NAALADL2: variants seen among roughly 807,000 people sequenced by gnomAD.
NAALADL2 encodes the protein inactive N-acetylated-alpha-linked acidic dipeptidase-like protein 2.
In NAALADL2, 76 loss-of-function variants were observed where a neutral mutation model predicts 87.2. The observed-to-expected ratio is 0.87, with a 90% CI of 0.72 to 1.05. NAALADL2 has a LOEUF of 1.05. NAALADL2 is among the 50% of genes least tolerant of loss of function. The pLI is 0.00. For synonymous variants in NAALADL2, 354 were observed against 331.0 expected (o/e 1.07, Z -0.75); for missense variants, 1,089 against 945.8 (o/e 1.15, Z -1.99).
At chr3:175,287,432 A>C (rs1013448570) in intron 4 of NAALADL2, among the ~76,000 whole-genome samples, 2 of 152,296 alleles carry the variant, frequency 1.3e-5, no homozygotes, top group Non-Finnish European at 2.9e-5. Context: ...GCACTTTATA[A>C]ATACTTTTTA....
At chr3:174,632,301 C>T (rs556167956) in intron 2 of NAALADL2, among the ~76,000 whole-genome samples, 4 of 151,850 alleles carry the variant, frequency 2.6e-5, no homozygotes, top group African/African-American at 9.7e-5. Flanking sequence ...CGTGCTCTAT[C>T]CAGGCTTTGA....
chr3:174,955,873 C>T (rs1353537780), intron 1 of NAALADL2, among the ~76,000 whole-genome samples: 1 of 151,986 alleles, frequency 6.6e-6, no homozygotes, highest in African/African-American at 2.4e-5. Flanking sequence ...AGAAGTTTTC[C>T]CAGATGACAC....
intron 4 of NAALADL2, among the ~76,000 whole-genome samples, chr3:175,259,296 G>A (rs535000160): frequency 5.8e-4 from 88 of 152,286 alleles, no homozygotes; most frequent in African/African-American, 2.1e-3. Flanking sequence ...GCAGACCTGA[G>A]CTGGTGGAGG....
intron 1 of NAALADL2, among the ~76,000 whole-genome samples, chr3:174,535,577 G>GC (rs1186437184): frequency 6.6e-6 from 1 of 152,016 alleles, no homozygotes; most frequent in East Asian, 1.9e-4. Context: ...ATTTATTCCT[G>GC]CCCCAACTTT....
intron 1 of NAALADL2, among the ~76,000 whole-genome samples, chr3:175,036,548 T>C (rs1753431627): frequency 6.6e-6 from 1 of 151,800 alleles, no homozygotes; most frequent in Non-Finnish European, 1.5e-5. Flanking sequence ...TACAGGCACC[T>C]GCCACCACAC....
intron 9 of NAALADL2, among the ~76,000 whole-genome samples, chr3:175,530,435 C>T (rs755643723): frequency 4.6e-5 from 7 of 152,168 alleles, no homozygotes; most frequent in Non-Finnish European, 7.3e-5. Context: ...TCCTTCCATG[C>T]GACGTGCACA....
intron 11 of NAALADL2, among the ~76,000 whole-genome samples, chr3:175,692,784 G>T (rs1241698133): frequency 6.6e-6 from 1 of 152,096 alleles, no homozygotes; most frequent in Non-Finnish European, 1.5e-5. Flanking sequence ...ACAAAACTAT[G>T]ATGTTCCCTT....
At chr3:174,933,505 T>G (rs1418620065) in intron 1 of NAALADL2, among the ~76,000 whole-genome samples, 1 of 152,202 alleles carries the variant, frequency 6.6e-6, no homozygotes, top group African/African-American at 2.4e-5. Context: ...TTAGTTAATT[T>G]TCCTAGGTTT....
chr3:175,433,961 C>T (rs1340034121), intron 5 of NAALADL2, among the ~76,000 whole-genome samples: 1 of 151,766 alleles, frequency 6.6e-6, no homozygotes, highest in African/African-American at 2.4e-5. Context: ...TTTAGAATAC[C>T]AATATTTTTT....
At chr3:175,442,001 G>A (rs561110293) in intron 5 of NAALADL2, among the ~76,000 whole-genome samples, 3 of 152,120 alleles carry the variant, frequency 2.0e-5, no homozygotes, top group African/African-American at 7.2e-5. Context: ...GAGTGCAGTG[G>A]TGCAATCTCA....
chr3:174,823,788 A>G (rs1045512662), intron 3 of NAALADL2, among the ~76,000 whole-genome samples: 4 of 151,888 alleles, frequency 2.6e-5, no homozygotes, highest in African/African-American at 4.9e-5. Context: ...TTGGCTCACC[A>G]CAACCTCCGC....
chr3:175,434,876 G>A (rs1052616461), intron 5 of NAALADL2, among the ~76,000 whole-genome samples: 1 of 151,852 alleles, frequency 6.6e-6, no homozygotes, highest in Admixed American at 6.6e-5. Flanking sequence ...TCAAAGTAAA[G>A]AACAAACTAG....
intron 3 of NAALADL2, among the ~76,000 whole-genome samples, chr3:175,243,349 C>T (rs930610911): frequency 2.6e-5 from 4 of 151,296 alleles, no homozygotes; most frequent in East Asian, 3.9e-4. Flanking sequence ...CACACACGCA[C>T]GCACACACAC....
At chr3:174,654,403 CTTG>C (rs1304250602) in intron 2 of NAALADL2, among the ~76,000 whole-genome samples, 2 of 152,000 alleles carry the variant, frequency 1.3e-5, no homozygotes, top group African/African-American at 2.4e-5. Flanking sequence ...AATTAAGACT[CTTG>C]TTGTCTGGTA....
chr3:175,529,131 T>A (rs1733783667), intron 9 of NAALADL2, among the ~76,000 whole-genome samples: 1 of 152,190 alleles, frequency 6.6e-6, no homozygotes, highest in Non-Finnish European at 1.5e-5. Flanking sequence ...AGAGACGCCC[T>A]AATGGATCTC....
chr3:174,594,112 G>A (rs1488325557), intron 2 of NAALADL2, among the ~76,000 whole-genome samples: 1 of 46,886 alleles, frequency 2.1e-5, no homozygotes, highest in Non-Finnish European at 3.1e-5. Flanking sequence ...AGTCAGCTGC[G>A]GTTACTTAAC....
intron 1 of NAALADL2, among the ~76,000 whole-genome samples, chr3:174,533,061 C>T (rs559551251): frequency 6.7e-6 from 1 of 148,734 alleles, no homozygotes; most frequent in South Asian, 2.1e-4. Flanking sequence ...TTACAGACAC[C>T]CCTTACCCTT....
At chr3:175,727,406 T>C (rs1351562151) in intron 11 of NAALADL2, among the ~76,000 whole-genome samples, 1 of 152,176 alleles carries the variant, frequency 6.6e-6, no homozygotes, top group African/African-American at 2.4e-5. Flanking sequence ...TTCTTTTTGG[T>C]AGGCCCCTGG....
intron 1 of NAALADL2, among the ~76,000 whole-genome samples, chr3:174,926,386 C>T (rs567120378): frequency 6.6e-6 from 1 of 152,046 alleles, no homozygotes; most frequent in Non-Finnish European, 1.5e-5. Flanking sequence ...AGAAGAGCAA[C>T]TCCAAGACAC....
Sources: allele counts gnomAD v4.1 joint callset (sites outside exome capture counted in the v4.1 genomes callset), GRCh38; gene constraint gnomAD v4.1.1; transcripts MANE v1.5; gene names NCBI Gene and HGNC (gene_info 2026-07-23, HGNC 2026-07-21).